ITGA9: variants seen among roughly 807,000 people sequenced by gnomAD.
The protein encoded by ITGA9 is integrin subunit alpha 9.
In ITGA9, 56 loss-of-function variants were observed where a neutral mutation model predicts 127.8. The ratio of observed to expected loss-of-function variants is 0.44; its 90% CI spans 0.35 to 0.55. The LOEUF (loss-of-function observed/expected upper bound fraction) is 0.55. Ranked by LOEUF, ITGA9 falls within the 20% of genes least tolerant of loss-of-function variation. ITGA9 has a pLI of 0.00. For missense variants in ITGA9, 1,196 were observed against 1,347.1 expected, an observed-to-expected ratio of 0.89 and a Z score of 1.76; for synonymous variants, 508 against 514.5, an observed-to-expected ratio of 0.99 and a Z score of 0.17.
intron 4 of ITGA9, among the ~76,000 whole-genome samples, chr3:37,490,052 G>A (rs193137977): frequency 1.2e-3 from 186 of 149,064 alleles, no homozygotes; most frequent in Non-Finnish European, 2.3e-3. Flanking sequence ...AGCAGACTAC[G>A]ATCCTGAGTG....
chr3:37,614,205 C>T (rs1476698100), intron 15 of ITGA9, among the ~76,000 whole-genome samples: 34 of 152,220 alleles, frequency 2.2e-4, no homozygotes, highest in Admixed American at 2.2e-3. Flanking sequence ...TTCCCAGCAC[C>T]ATTTATTAAA....
intron 27 of ITGA9, 38 bp downstream of exon 27, chr3:37,803,980 C>G (rs752034852): frequency 7.4e-6 from 12 of 1,613,636 alleles, no homozygotes; most frequent in Non-Finnish European, 1.0e-5. Context: ...GGGGTCCCCA[C>G]TCATAGATGC....
At chr3:37,514,559 C>T (rs933369303) in intron 9 of ITGA9, among the ~76,000 whole-genome samples, 2 of 152,080 alleles carry the variant, frequency 1.3e-5, no homozygotes, top group Non-Finnish European at 2.9e-5. Flanking sequence ...GCATGGGAAC[C>T]ATAATCTTTT....
chr3:37,783,088 A>G (rs929279658), intron 25 of ITGA9, among the ~76,000 whole-genome samples: 7 of 152,084 alleles, frequency 4.6e-5, no homozygotes, highest in Non-Finnish European at 8.8e-5. Flanking sequence ...GCAGTGAGCC[A>G]AGATCGTGCC....
At chr3:37,495,757 A>C (rs1698721552) in intron 5 of ITGA9, among the ~76,000 whole-genome samples, 1 of 152,264 alleles carries the variant, frequency 6.6e-6, no homozygotes. Context: ...CAGTGGCATT[A>C]GTGCATTCAC....
intron 23 of ITGA9, among the ~76,000 whole-genome samples, 193 bp from the exon 24 acceptor site, chr3:37,777,198 AT>A (rs1696918350): frequency 6.6e-6 from 1 of 152,070 alleles, no homozygotes; most frequent in Non-Finnish European, 1.5e-5. Context: ...TAAGATCCAC[AT>A]TTTCTATTAT....
chr3:37,533,228 G>T, intron 13 of ITGA9, 86 bp from the exon 14 acceptor site: 1 of 1,229,036 alleles, frequency 8.1e-7, no homozygotes, highest in South Asian at 1.2e-5. Flanking sequence ...TGAAGGCCTA[G>T]GATTTATCCT....
intron 3 of ITGA9, among the ~76,000 whole-genome samples, chr3:37,480,195 G>C (rs1270876001): frequency 6.6e-6 from 1 of 151,758 alleles, no homozygotes; most frequent in Non-Finnish European, 1.5e-5. Flanking sequence ...CGGGAACTGG[G>C]GCCACTGTCA....
intron 3 of ITGA9, among the ~76,000 whole-genome samples, chr3:37,473,925 ATACAT>A (rs1333140179): frequency 6.6e-6 from 1 of 152,212 alleles, no homozygotes; most frequent in East Asian, 1.9e-4. Flanking sequence ...GATTTGTATA[ATACAT>A]TACTTTTGCT....
chr3:37,578,324 G>A (rs1699672628), intron 15 of ITGA9, among the ~76,000 whole-genome samples: 1 of 152,196 alleles, frequency 6.6e-6, no homozygotes. Context: ...TGCCTTATAG[G>A]CCAGTGTGGG....
chr3:37,617,327 G>T (rs1700084328), intron 15 of ITGA9, among the ~76,000 whole-genome samples: 1 of 152,232 alleles, frequency 6.6e-6, no homozygotes. Flanking sequence ...TCTGCTGAGA[G>T]ATCCACTGTT....
chr3:37,730,616 G>A (rs531563181), intron 18 of ITGA9, among the ~76,000 whole-genome samples: 2 of 152,152 alleles, frequency 1.3e-5, no homozygotes, highest in South Asian at 2.1e-4. Context: ...CGAGGACAGC[G>A]ATTAACATCT....
chr3:37,523,950 T>C (rs1049170363), intron 12 of ITGA9, among the ~76,000 whole-genome samples: 1 of 152,182 alleles, frequency 6.6e-6, no homozygotes, highest in Non-Finnish European at 1.5e-5. Flanking sequence ...TTTAACCACA[T>C]TCAAAGGCTT....
intron 26 of ITGA9, among the ~76,000 whole-genome samples, chr3:37,789,569 C>G (rs1325609391): frequency 1.3e-5 from 2 of 149,264 alleles, no homozygotes; most frequent in African/African-American, 5.0e-5. Context: ...ACCATCCTGG[C>G]TAACGTGGTG....
chr3:37,608,256 A>G (rs1343203562), intron 15 of ITGA9, among the ~76,000 whole-genome samples: 1 of 152,214 alleles, frequency 6.6e-6, no homozygotes, highest in African/African-American at 2.4e-5. Flanking sequence ...TCCCTTTCCA[A>G]TATAAAAAGT....
intron 15 of ITGA9, among the ~76,000 whole-genome samples, chr3:37,589,232 G>A (rs991468869): frequency 2.0e-5 from 3 of 152,188 alleles, no homozygotes; most frequent in South Asian, 2.1e-4. Flanking sequence ...GACTGGAGCT[G>A]CTACTATTGT....
chr3:37,776,920 C>G (rs1575232861), intron 23 of ITGA9, among the ~76,000 whole-genome samples: 1 of 152,266 alleles, frequency 6.6e-6, no homozygotes, highest in East Asian at 1.9e-4. Context: ...TGGGGGCTTT[C>G]TAGAATGGTT....
At chr3:37,774,493 G>A (rs1252570473) in intron 23 of ITGA9, among the ~76,000 whole-genome samples, 1 of 149,652 alleles carries the variant, frequency 6.7e-6, no homozygotes, top group Non-Finnish European at 1.5e-5. Context: ...TAAGGAGTTC[G>A]AGACCAGCCT....
chr3:37,818,780 C>A (rs1697473993), intron 27 of ITGA9, 111 bp from the exon 28 acceptor site: 2 of 793,320 alleles, frequency 2.5e-6, no homozygotes, highest in Non-Finnish European at 4.5e-6. Context: ...TCCAAGCCTC[C>A]CCAGCCCTGT....
Sources: gnomAD v4.1 joint callset for allele counts (sites outside exome capture counted in the v4.1 genomes callset) on GRCh38, gnomAD v4.1.1 for gene constraint, MANE v1.5 for transcripts, NCBI Gene and HGNC (gene_info 2026-07-23, HGNC 2026-07-21) for gene names.